The following PEX14 variants were observed in gnomAD, a reference collection of about 807,000 sequenced individuals.
PEX14 encodes peroxisomal biogenesis factor 14.
In PEX14, 15 loss-of-function variants were observed where a neutral mutation model predicts 49.5. That is an observed-to-expected ratio of 0.30 (90% CI 0.20 to 0.47). PEX14 has a LOEUF of 0.47. PEX14 is among the 20% of genes least tolerant of loss of function. The pLI, the probability that PEX14 is intolerant of heterozygous loss-of-function variation, is 1.00. For synonymous variants in PEX14, 210 were observed against 212.7 expected (o/e 0.99, Z 0.11); for missense variants, 398 against 494.8 (o/e 0.80, Z 1.86).
At chr1:10,599,787 A>G (rs1331079156) in intron 4 of PEX14, among the ~76,000 whole-genome samples, 1 of 152,142 alleles carries the variant, frequency 6.6e-6, no homozygotes, top group South Asian at 2.1e-4. Flanking sequence ...TTTTAAGTTA[A>G]TATTTGTAAG....
At chr1:10,507,151 C>A (rs604369) in intron 2 of PEX14, among the ~76,000 whole-genome samples, 60,833 of 152,144 alleles carry the variant, frequency 0.4, 13,787 homozygotes, top group Non-Finnish European at 0.52. Context: ...GAGAATTACT[C>A]ATTTTGCAGT....
At chr1:10,580,382 G>A (rs1640279610) in intron 3 of PEX14, among the ~76,000 whole-genome samples, 1 of 151,938 alleles carries the variant, frequency 6.6e-6, no homozygotes, top group African/African-American at 2.4e-5. Context: ...ATGCTACCTC[G>A]CCTGGTTAAT....
At chr1:10,624,894 C>T (rs979337766) in intron 7 of PEX14, among the ~76,000 whole-genome samples, 2 of 152,136 alleles carry the variant, frequency 1.3e-5, no homozygotes, top group Admixed American at 6.5e-5. Context: ...CGCAGTGCAG[C>T]GGGCAGGTTC....
At chr1:10,599,661 A>C (rs1286251070) in intron 4 of PEX14, among the ~76,000 whole-genome samples, 1 of 152,234 alleles carries the variant, frequency 6.6e-6, no homozygotes, top group Admixed American at 6.5e-5. Flanking sequence ...TTCTGTTCCC[A>C]TCTCCTCATA....
At position 10,495,387 on chromosome 1, in the gene PEX14, C is replaced by T. The variant is rs1191381716; in HGVS notation, c.84+66C>T. The T allele has an allele frequency of 1.6e-6, 2 of 1,279,084 alleles. No homozygotes were observed. Among genetic ancestry groups the T allele is most frequent in the East Asian group, 2.4e-5 (1 of 41,942 alleles). The allele number at this position is 1,279,084 out of a possible 1,614,324, so 79.2% of individuals were successfully genotyped here. A position where few individuals can be genotyped will look rare whatever the true frequency, so the allele number is the denominator to read the frequency against. ...AAATGCCACGCGAGTGAAAAGAAAC[C>T]TTCTGTTCCTATGGTTCTGCGTCAG... is the stretch of plus-strand genomic sequence containing the variant. On this transcript the variant is annotated intron_variant, in intron 2 of 8. Coordinates refer to ENST00000356607, the MANE Select transcript of PEX14 (RefSeq NM_004565.3). This position sits in a 1 kb window ranked among gnomAD's most constrained non-coding sequence, Gnocchi z 4.2.
intron 3 of PEX14, 55 bp downstream of exon 3, chr1:10,536,352 C>A: frequency 1.9e-6 from 2 of 1,065,050 alleles, no homozygotes; most frequent in Non-Finnish European, 2.9e-6. Flanking sequence ...GGGGCTGGGG[C>A]AGATGGAAGC....
chr1:10,577,537 T>TATATAC (rs1640160283), intron 3 of PEX14, among the ~76,000 whole-genome samples: 1 of 1,952 alleles, frequency 5.1e-4, no homozygotes, highest in Non-Finnish European at 2.4e-3. Flanking sequence ...TACATATATA[T>TATATAC]ATATATATAT....
intron 3 of PEX14, among the ~76,000 whole-genome samples, chr1:10,558,808 T>G (rs1005340713): frequency 6.6e-6 from 1 of 152,118 alleles, no homozygotes; most frequent in Non-Finnish European, 1.5e-5. Context: ...GTATGCACTC[T>G]TTCCATCCAC....
Position 10,522,338 on chromosome 1 carries a change from C to T in PEX14, c.85-13875C>T, listed in dbSNP as rs972213446. ...ATTAATATTGTTGCCAGACAGAGAA[C>T]GAGGACCAATGGTTAGGAGGTTCAG... On this transcript the variant is annotated intron_variant, in intron 2 of 8. Coordinates refer to ENST00000356607, the MANE Select transcript of PEX14 (RefSeq NM_004565.3). 3.3e-5 allele frequency among the ~76,000 whole-genome samples: 5 copies of T among 152,188 alleles called. No homozygotes were observed. The East Asian group carries it at 5.8e-4, about 18-fold the overall frequency.
chr1:10,540,118 G>C (rs1272185963), intron 3 of PEX14, among the ~76,000 whole-genome samples: 2 of 152,074 alleles, frequency 1.3e-5, no homozygotes, highest in Non-Finnish European at 2.9e-5. Context: ...CATTCCAAAA[G>C]GTGAAACTAG....
chr1:10,544,390 G>T (rs534071771), intron 3 of PEX14, among the ~76,000 whole-genome samples: 3 of 152,230 alleles, frequency 2.0e-5, no homozygotes, highest in South Asian at 2.1e-4. Flanking sequence ...ACTATACCAC[G>T]TACTTTCTGG....
chr1:10,504,531 G>C (rs1441733038), intron 2 of PEX14, among the ~76,000 whole-genome samples: 3 of 152,240 alleles, frequency 2.0e-5, no homozygotes, highest in South Asian at 2.1e-4. Flanking sequence ...AGAGTGTGTG[G>C]GGCGGTGCTC....
chr1:10,535,829 G>T (rs1638784920), intron 2 of PEX14: 1 of 355,926 alleles, frequency 2.8e-6, no homozygotes, highest in Admixed American at 3.9e-5. Context: ...GTTTAGACAG[G>T]TGGAGGCAGG....
At chr1:10,537,330 A>C (rs1570230421) in intron 3 of PEX14, among the ~76,000 whole-genome samples, 2 of 72,594 alleles carry the variant, frequency 2.8e-5, no homozygotes, top group Admixed American at 2.3e-4. Context: ...CACTGGCTGC[A>C]TTGTGCCAGC....
At chr1:10,545,880 CA>C (rs1639156087) in intron 3 of PEX14, among the ~76,000 whole-genome samples, 1 of 151,880 alleles carries the variant, frequency 6.6e-6, no homozygotes, top group African/African-American at 2.4e-5. Context: ...CCTGTCTCTA[CA>C]AAAAAAATTA....
Position 10,536,287 on chromosome 1 carries a change from A to C in PEX14, c.159A>C (p.Leu53=). Reference sequence around the variant, plus strand: ...CACTTGCAACCAGGAGAGCATTCCTAAAGAAGAAAGGTACAGGTTCCACAG... The same window carrying C: ...CACTTGCAACCAGGAGAGCATTCCTCAAGAAGAAAGGTACAGGTTCCACAG... ...QSPLATRRAF[L]KKKGLTDEEI... Residue 53 remains leucine (L), a synonymous_variant, in exon 3 of 9, where the codon CTA becomes CTC. Transcript: ENST00000356607. 1.9e-6 allele frequency: 3 copies of C among 1,597,750 alleles called. No individual in the cohort carries two copies. The highest frequency in any genetic ancestry group is 2.6e-6 in the Non-Finnish European group (3 of 1,164,896).
In PEX14 at chr1:10,554,133, C is replaced by CAA. The variant is rs33963510; in HGVS notation, c.169+17856_169+17857dup. On this transcript the variant is annotated intron_variant, in intron 3 of 8. Coordinates refer to ENST00000356607, the MANE Select transcript of PEX14 (RefSeq NM_004565.3). ...TGAAACCCCGTCTCTACTAAAAATA[C>CAA]AAAAAAAAAAAAAAAAAAAAATTAG... Among the ~76,000 whole-genome samples the CAA allele has an allele frequency of 5.5e-3, 616 of 111,048 alleles. 9 individuals carry two copies. Among genetic ancestry groups the CAA allele is most frequent in the African/African-American group, 0.021 (586 of 28,490 alleles). The allele number at this position is 111,048 out of a possible 152,430, so 72.9% of individuals were successfully genotyped here. A position where few individuals can be genotyped will look rare whatever the true frequency, so the allele number is the denominator to read the frequency against.
At chr1:10,524,113 C>T (rs1011967094) in intron 2 of PEX14, among the ~76,000 whole-genome samples, 1 of 152,116 alleles carries the variant, frequency 6.6e-6, no homozygotes, top group African/African-American at 2.4e-5. Context: ...AGCCTGACAT[C>T]ACTGCGTTTT....
At chr1:10,588,312 G>A (rs912353159) in intron 3 of PEX14, among the ~76,000 whole-genome samples, 2 of 152,106 alleles carry the variant, frequency 1.3e-5, no homozygotes, top group Non-Finnish European at 1.5e-5. Flanking sequence ...AAGCAGCTGG[G>A]ATTATAGGTG....
Sources: gnomAD v4.1 joint callset for allele counts (sites outside exome capture counted in the v4.1 genomes callset) on GRCh38, gnomAD v4.1.1 for gene constraint, Gnocchi (gnomAD v3.1) non-coding constraint, MANE v1.5 for transcripts, NCBI Gene and HGNC (gene_info 2026-07-23, HGNC 2026-07-21) for gene names.